The following HDAC9 variants were observed in gnomAD, a reference collection of about 807,000 sequenced individuals.
HDAC9 encodes MEF-2 interacting transcription repressor (MITR) protein.
A neutral mutation model predicts 139.4 loss-of-function variants in HDAC9; 41 were observed. The ratio of observed to expected loss-of-function variants is 0.29; its 90% CI spans 0.23 to 0.38. The LOEUF (loss-of-function observed/expected upper bound fraction) is 0.38, where lower values mean the gene tolerates loss of function less well. Among genes scored for constraint, HDAC9 ranks in the 10% least tolerant of loss-of-function variants. The probability of loss-of-function intolerance (pLI) is 1.00; values close to 1 mark genes in which losing one functional copy is unlikely to be tolerated. For missense variants in HDAC9, 1,147 were observed against 1,297.0 expected, an observed-to-expected ratio of 0.88 and a Z score of 1.78; for synonymous variants, 517 against 476.2, an observed-to-expected ratio of 1.09 and a Z score of -1.12.
chr7:18,125,023 G>A (rs1784570171), intron 1 of HDAC9, among the ~76,000 whole-genome samples: 1 of 151,878 alleles, frequency 6.6e-6, no homozygotes, highest in Admixed American at 6.6e-5. Flanking sequence ...GAACATTAAA[G>A]CAGAAAGAGT....
rs1795939922 is a variant in HDAC9, at chr7:18,265,530, A to G, written c.25+103181A>G. Among the ~76,000 whole-genome samples, 3 of 152,124 alleles carry G rather than the reference A, an allele frequency of 2.0e-5. 1 individual carries two copies. Among genetic ancestry groups the G allele is most frequent in the Non-Finnish European group, 4.4e-5 (3 of 68,014 alleles). On this transcript the variant is annotated intron_variant, in intron 2 of 12. Transcript: ENST00000417496. ...AGTCTATGCACATTTCTTAAGTCTG[A>G]GAGGTTTTTTTCCTTATGATAATTC...
chr7:18,915,660 A>G (rs978218926), intron 22 of HDAC9, among the ~76,000 whole-genome samples: 1 of 142,280 alleles, frequency 7.0e-6, no homozygotes, highest in Admixed American at 7.1e-5. Flanking sequence ...AAAAAAAAAA[A>G]GCAGTCGGAA....
intron 14 of HDAC9, among the ~76,000 whole-genome samples, chr7:18,755,590 A>G (rs1463280263): frequency 6.6e-6 from 1 of 152,130 alleles, no homozygotes; most frequent in Non-Finnish European, 1.5e-5. Context: ...AATAATTGCA[A>G]TGTAGGGGGT....
rs181003483 is a variant in HDAC9 at position 18,897,893 on chromosome 7, T to A, written c.2803+23297T>A. On this transcript the variant is annotated intron_variant, in intron 22 of 25. Transcript: ENST00000686413. ...GGGAACCATGCATGGATCCAATGCT[T>A]TTAAATATCGTGTCCATGTGTGATC... Among the ~76,000 whole-genome samples the A allele has an allele frequency of 2.6e-5, 4 of 152,016 alleles. No homozygotes were observed. In the East Asian group the frequency reaches 7.7e-4, roughly 29 times the overall value.
At chr7:18,213,586 G>A (rs1359298822) in intron 2 of HDAC9, among the ~76,000 whole-genome samples, 2 of 152,130 alleles carry the variant, frequency 1.3e-5, no homozygotes, top group East Asian at 1.9e-4. Flanking sequence ...GACTGCAAAC[G>A]TAGTCACTGA....
At chr7:18,512,244 C>T (rs966712544) in intron 2 of HDAC9, among the ~76,000 whole-genome samples, 11 of 152,034 alleles carry the variant, frequency 7.2e-5, no homozygotes, top group African/African-American at 2.4e-4. Context: ...GTCAATATTT[C>T]AAGACATGAG....
At chr7:18,854,388 A>G (rs1220251088) in intron 21 of HDAC9, among the ~76,000 whole-genome samples, 1 of 152,146 alleles carries the variant, frequency 6.6e-6, no homozygotes, top group African/African-American at 2.4e-5. Context: ...GGCTACAGAT[A>G]TTATGTAAAT....
chr7:18,157,227 G>C (rs1217014212), intron 1 of HDAC9, among the ~76,000 whole-genome samples: 3 of 152,200 alleles, frequency 2.0e-5, no homozygotes, highest in Admixed American at 6.5e-5. Context: ...TTTTAGTAAG[G>C]CTCCACCAGT....
At chr7:18,767,068 C>A in intron 15 of HDAC9, 38 bp from the exon 16 acceptor site, 1 of 971,000 alleles carries the variant, frequency 1.0e-6, no homozygotes, top group Non-Finnish European at 1.5e-6. Context: ...TATATAACCT[C>A]CATTTATCTA....
At chr7:18,135,405 A>C (rs1785319891) in intron 1 of HDAC9, among the ~76,000 whole-genome samples, 1 of 136,084 alleles carries the variant, frequency 7.3e-6, no homozygotes, top group Non-Finnish European at 1.6e-5. Flanking sequence ...GCACCCACTA[A>C]CTCGTCATCT....
intron 1 of HDAC9, among the ~76,000 whole-genome samples, chr7:18,379,047 A>G (rs1228289821): frequency 1.3e-5 from 2 of 152,178 alleles, no homozygotes; most frequent in Admixed American, 6.5e-5. Flanking sequence ...ATGAGGCTCT[A>G]TGTTTGTAGT....
chr7:18,864,322 TAGTC>T (rs1464253340), intron 21 of HDAC9, among the ~76,000 whole-genome samples: 1 of 152,134 alleles, frequency 6.6e-6, no homozygotes, highest in Non-Finnish European at 1.5e-5. Context: ...GTATCTAAAA[TAGTC>T]AAACTCATAG....
intron 17 of HDAC9, among the ~76,000 whole-genome samples, chr7:18,819,236 C>A (rs1794788475): frequency 6.6e-6 from 1 of 152,138 alleles, no homozygotes; most frequent in African/African-American, 2.4e-5. Context: ...GCTGAGATAG[C>A]ACCACTGTAC....
intron 16 of HDAC9, among the ~76,000 whole-genome samples, chr7:18,785,317 T>G (rs1195384326): frequency 6.6e-6 from 1 of 151,974 alleles, no homozygotes; most frequent in Non-Finnish European, 1.5e-5. Context: ...AAGTTATTTT[T>G]GGTTGTATAC....
At chr7:18,645,894 G>A (rs1584539213) in intron 9 of HDAC9, among the ~76,000 whole-genome samples, 1 of 152,054 alleles carries the variant, frequency 6.6e-6, no homozygotes, top group Admixed American at 6.6e-5. Context: ...ATCTGGTATT[G>A]TCAATAGACT....
Position 18,732,732 on chromosome 7 carries a change from T to TGTGTGTGTGC in HDAC9, c.1909+4977_1909+4978insGTGTGTGCGT, listed in dbSNP as rs1786273925. Among the ~76,000 whole-genome samples the TGTGTGTGTGC allele has an allele frequency of 4.8e-5, 5 of 103,820 alleles. 1 individual carries two copies. Among genetic ancestry groups the TGTGTGTGTGC allele is most frequent in the African/African-American group, 1.6e-4 (3 of 19,262 alleles). 68.1% of individuals were successfully genotyped at this position (103,820 alleles called of 152,430 possible). A position where few individuals can be genotyped will look rare whatever the true frequency, so the allele number is the denominator to read the frequency against. On this transcript the variant is annotated intron_variant, in intron 13 of 25. Transcript: ENST00000686413. ...GTGCGTATGTGTACACACACACACGTGTATGTGTGCGTATGTGTACACACA... is the reference window on the plus strand; with the variant it reads ...GTGCGTATGTGTACACACACACACGTGTGTGTGTGCGTATGTGTGCGTATGTGTACACACA...
At chr7:18,799,627 C>T (rs918645492) in intron 17 of HDAC9, among the ~76,000 whole-genome samples, 2 of 152,056 alleles carry the variant, frequency 1.3e-5, no homozygotes, top group Non-Finnish European at 2.9e-5. Flanking sequence ...ATTTGAAAAA[C>T]ACGATAACTT....
chr7:18,802,504 T>C (rs1432891659), intron 17 of HDAC9, among the ~76,000 whole-genome samples: 1 of 151,952 alleles, frequency 6.6e-6, no homozygotes, highest in Non-Finnish European at 1.5e-5. Flanking sequence ...TAATATTTTA[T>C]ATGTCCATTA....
intron 1 of HDAC9, among the ~76,000 whole-genome samples, chr7:18,358,888 T>G (rs926105812): frequency 3.9e-5 from 6 of 152,160 alleles, no homozygotes; most frequent in African/African-American, 1.4e-4. Flanking sequence ...GTGAAAAAAT[T>G]TATGCAAAGT....
Sources: allele counts gnomAD v4.1 joint callset (sites outside exome capture counted in the v4.1 genomes callset), GRCh38; gene constraint gnomAD v4.1.1; transcripts MANE v1.5; gene names NCBI Gene and HGNC (gene_info 2026-07-23, HGNC 2026-07-21).